Variants in HS3ST3A1 observed in about 807,000 individuals in gnomAD.
The protein encoded by HS3ST3A1 is heparan sulfate-glucosamine 3-sulfotransferase 3A1.
Under a neutral mutation model 25.7 loss-of-function variants are expected in HS3ST3A1, and 19 were observed. That is an observed-to-expected ratio of 0.74 (90% CI 0.52 to 1.08). The LOEUF (loss-of-function observed/expected upper bound fraction) is 1.08, where lower values mean the gene tolerates loss of function less well. HS3ST3A1 is among the 50% of genes least tolerant of loss of function. The pLI, the probability that HS3ST3A1 is intolerant of heterozygous loss-of-function variation, is 0.00. For synonymous variants in HS3ST3A1, 226 were observed against 278.6 expected, an observed-to-expected ratio of 0.81 and a Z score of 1.88; for missense variants, 459 against 594.3, an observed-to-expected ratio of 0.77 and a Z score of 2.37.
intron 1 of HS3ST3A1, among the ~76,000 whole-genome samples, chr17:13,562,279 G>GACACA (rs1907569138): frequency 6.6e-6 from 1 of 152,084 alleles, no homozygotes; most frequent in South Asian, 2.1e-4. Flanking sequence ...ACACAGTCAT[G>GACACA]GTCTGGAGGA....
chr17:13,586,425 T>C (rs1012850033), intron 1 of HS3ST3A1, among the ~76,000 whole-genome samples: 4 of 151,256 alleles, frequency 2.6e-5, no homozygotes, highest in African/African-American at 4.9e-5. Context: ...GTGAAATCAG[T>C]CCTCCACTGC....
chr17:13,500,858 G>T (rs1278698572), intron 1 of HS3ST3A1, among the ~76,000 whole-genome samples: 1 of 152,168 alleles, frequency 6.6e-6, no homozygotes, highest in Non-Finnish European at 1.5e-5. Context: ...AATAGCCAAA[G>T]AGTGGAAGCA....
intron 1 of HS3ST3A1, among the ~76,000 whole-genome samples, chr17:13,592,157 G>A (rs527247317): frequency 6.6e-6 from 1 of 152,186 alleles, no homozygotes; most frequent in Non-Finnish European, 1.5e-5. Context: ...GTGAGGCTCT[G>A]GCATGCTGGA....
intron 1 of HS3ST3A1, among the ~76,000 whole-genome samples, chr17:13,526,045 G>A (rs1242094517): frequency 6.6e-6 from 1 of 151,942 alleles, no homozygotes; most frequent in African/African-American, 2.4e-5. Context: ...AGTCCTCCAG[G>A]CACCAACCTT....
At chr17:13,533,123 A>AG (rs1906658375) in intron 1 of HS3ST3A1, among the ~76,000 whole-genome samples, 1 of 152,094 alleles carries the variant, frequency 6.6e-6, no homozygotes, top group Non-Finnish European at 1.5e-5. Flanking sequence ...AAGATTGTGG[A>AG]GGAGGGGGGA....
At chr17:13,574,259 A>G (rs8070041) in intron 1 of HS3ST3A1, among the ~76,000 whole-genome samples, 63,969 of 150,472 alleles carry the variant, frequency 0.43, 15,115 homozygotes, top group African/African-American at 0.64. Context: ...TCAGACTCCC[A>G]AGTAGCTGGG....
In HS3ST3A1 at chr17:13,496,178, T is replaced by TG. The variant is rs11385090; in HGVS notation, c.*18_*19insC. 1.3e-6 allele frequency: 2 copies of TG among 1,548,568 alleles called. No homozygotes were observed. Among genetic ancestry groups the TG allele is most frequent in the Non-Finnish European group, 1.7e-6 (2 of 1,152,262 alleles). ...AATATATTATATTTTGATTTTTTTTTTCTTTTTAAATTATATGGTTATCCA... is the reference window on the plus strand; with the variant it reads ...AATATATTATATTTTGATTTTTTTTTGTCTTTTTAAATTATATGGTTATCCA... On this transcript the variant is annotated 3_prime_UTR_variant, in exon 2 of 2. Coordinates refer to ENST00000284110, the MANE Select transcript of HS3ST3A1 (RefSeq NM_006042.3).
intron 1 of HS3ST3A1, among the ~76,000 whole-genome samples, chr17:13,585,859 TTTTTTTTTC>T (rs1598433707): frequency 2.1e-5 from 3 of 141,390 alleles, no homozygotes. Flanking sequence ...TTTTTTTTTT[TTTTTTTTTC>T]TGACAGAGTC....
At chr17:13,520,909 C>T (rs1906214225) in intron 1 of HS3ST3A1, among the ~76,000 whole-genome samples, 1 of 152,128 alleles carries the variant, frequency 6.6e-6, no homozygotes, top group Non-Finnish European at 1.5e-5. Context: ...AGTGCTTATT[C>T]ATTGGAAAAC....
chr17:13,508,541 A>C (rs1905760486), intron 1 of HS3ST3A1, among the ~76,000 whole-genome samples: 1 of 152,172 alleles, frequency 6.6e-6, no homozygotes. Flanking sequence ...AGAAACAGTA[A>C]AAATAAACCA....
chr17:13,596,448 C>CAG, intron 1 of HS3ST3A1, among the ~76,000 whole-genome samples: 1 of 143,950 alleles, frequency 6.9e-6, no homozygotes, highest in Middle Eastern at 3.6e-3. Flanking sequence ...CACACACACA[C>CAG]AGAGGAACTA....
At chr17:13,522,548 G>C (rs545618658) in intron 1 of HS3ST3A1, among the ~76,000 whole-genome samples, 1 of 152,210 alleles carries the variant, frequency 6.6e-6, no homozygotes, top group South Asian at 2.1e-4. Flanking sequence ...GAAGGAAATA[G>C]CAAAATATGT....
intron 1 of HS3ST3A1, among the ~76,000 whole-genome samples, chr17:13,569,648 G>A (rs371571967): frequency 4.7e-4 from 72 of 152,246 alleles, no homozygotes; most frequent in Admixed American, 1.1e-3. Flanking sequence ...AACCAGTAGC[G>A]ATTTTTCAGG....
intron 1 of HS3ST3A1, among the ~76,000 whole-genome samples, chr17:13,561,911 G>A (rs906606206): frequency 1.3e-5 from 2 of 152,044 alleles, no homozygotes; most frequent in Non-Finnish European, 2.9e-5. Context: ...TGTAGGGTAC[G>A]GATCTGTGTG....
intron 1 of HS3ST3A1, among the ~76,000 whole-genome samples, chr17:13,508,655 C>T (rs560648173): frequency 6.6e-5 from 10 of 152,288 alleles, no homozygotes; most frequent in South Asian, 2.1e-4. Context: ...ATTTCTAACA[C>T]GGTAGGCATT....
chr17:13,560,447 C>CACCTCAAAT (rs1490235714), intron 1 of HS3ST3A1, among the ~76,000 whole-genome samples: 2 of 151,850 alleles, frequency 1.3e-5, no homozygotes, highest in Non-Finnish European at 2.9e-5. Flanking sequence ...CATGACATCT[C>CACCTCAAAT]ACCTCAAATA....
chr17:13,553,645 A>C (rs545112843), intron 1 of HS3ST3A1, among the ~76,000 whole-genome samples: 1 of 152,306 alleles, frequency 6.6e-6, no homozygotes, highest in African/African-American at 2.4e-5. Context: ...ACACCTGTCC[A>C]CATCATCCCT....
At chr17:13,568,835 G>T (rs938024344) in intron 1 of HS3ST3A1, among the ~76,000 whole-genome samples, 3 of 152,170 alleles carry the variant, frequency 2.0e-5, no homozygotes, top group Non-Finnish European at 2.9e-5. Context: ...GTTTTCAATG[G>T]TCCTGAGACC....
intron 1 of HS3ST3A1, among the ~76,000 whole-genome samples, chr17:13,579,890 G>A (rs1233672193): frequency 7.2e-6 from 1 of 138,628 alleles, no homozygotes; most frequent in Non-Finnish European, 1.5e-5. Flanking sequence ...AGAGGTTGCA[G>A]TGAGCTGAGA....
Sources: allele counts gnomAD v4.1 joint callset (sites outside exome capture counted in the v4.1 genomes callset), GRCh38; gene constraint gnomAD v4.1.1; transcripts MANE v1.5; gene names NCBI Gene and HGNC (gene_info 2026-07-23, HGNC 2026-07-21).